OLFM3: variants seen among roughly 807,000 people sequenced by gnomAD.
OLFM3 encodes noelin-3.
In OLFM3, 20 loss-of-function variants were observed where a neutral mutation model predicts 48.6. The ratio of observed to expected loss-of-function variants is 0.41; its 90% confidence interval spans 0.29 to 0.60. The LOEUF is 0.60. Ranked by LOEUF, OLFM3 falls within the 20% of genes least tolerant of loss-of-function variation. The pLI, the probability that OLFM3 is intolerant of heterozygous loss-of-function variation, is 0.28. For synonymous variants in OLFM3, 222 were observed against 198.1 expected (o/e 1.12, Z -1.01); for missense variants, 437 against 544.3 (o/e 0.80, Z 1.96).
intron 1 of OLFM3, among the ~76,000 whole-genome samples, chr1:101,868,955 G>A (rs1656964489): frequency 6.6e-6 from 1 of 152,230 alleles, no homozygotes; most frequent in Admixed American, 6.5e-5. Context: ...TGAGGTTTGG[G>A]AACCCCTACC....
rs189473747 is a variant in OLFM3, at chr1:101,840,916, C to T, written c.70-3891G>A. On this transcript the variant is annotated intron_variant, in intron 1 of 5. Transcript: ENST00000370103. ...AATCACAGTGATTACTGATGCAGTTCTCTTTGAACCTTTCGTGTTAATTGG... is the reference window on the plus strand; with the variant it reads ...AATCACAGTGATTACTGATGCAGTTTTCTTTGAACCTTTCGTGTTAATTGG... 3.5e-3 allele frequency among the ~76,000 whole-genome samples: 534 copies of T among 152,304 alleles called. 4 individuals are homozygous for T. Among genetic ancestry groups the T allele is most frequent in the Admixed American group, 0.013 (204 of 15,300 alleles).
intron 4 of OLFM3, among the ~76,000 whole-genome samples, chr1:101,816,216 T>C (rs1259717960): frequency 6.6e-6 from 1 of 152,090 alleles, no homozygotes; most frequent in Non-Finnish European, 1.5e-5. Flanking sequence ...GAAAAGAACG[T>C]AACCAAAGTA....
intron 1 of OLFM3, among the ~76,000 whole-genome samples, chr1:101,857,427 AC>A (rs1321979100): frequency 6.6e-6 from 1 of 152,004 alleles, no homozygotes; most frequent in Non-Finnish European, 1.5e-5. Flanking sequence ...GTCATAATGT[AC>A]AGAGCTAAAA....
In OLFM3 at chr1:101,829,960, G is replaced by A. The variant is rs184268826; in HGVS notation, c.372+712C>T. ...CGCCATCCTCCTGCCTCAGCCTCCC[G>A]AGTAGCTGGGACTACAGGCGCCCAC... On this transcript the variant is annotated intron_variant, in intron 3 of 5. Transcript: ENST00000370103. Among the ~76,000 whole-genome samples the A allele has an allele frequency of 4.5e-4, 68 of 151,426 alleles. No homozygotes were observed. In the East Asian group the frequency reaches 0.011, roughly 25 times the overall value.
chr1:101,982,195 C>T (rs766563300), intron 1 of OLFM3, among the ~76,000 whole-genome samples: 2 of 151,996 alleles, frequency 1.3e-5, no homozygotes, highest in Non-Finnish European at 2.9e-5. Context: ...GCATGTGTGG[C>T]GATGGTGATG....
At chr1:101,812,151 C>T (rs1233749382) in intron 4 of OLFM3, among the ~76,000 whole-genome samples, 1 of 150,854 alleles carries the variant, frequency 6.6e-6, no homozygotes, top group Admixed American at 6.6e-5. Context: ...CACTTGGACA[C>T]AGGAAGGGGA....
At chr1:101,951,263 G>T (rs1282544998) in intron 1 of OLFM3, among the ~76,000 whole-genome samples, 1 of 152,198 alleles carries the variant, frequency 6.6e-6, no homozygotes, top group Non-Finnish European at 1.5e-5. Flanking sequence ...AATTGTGAAT[G>T]CTGTATGATA....
chr1:101,955,592 G>C (rs985474497), intron 1 of OLFM3, among the ~76,000 whole-genome samples: 1 of 151,818 alleles, frequency 6.6e-6, no homozygotes, highest in Non-Finnish European at 1.5e-5. Context: ...TCTCACTTCT[G>C]TCTATTTTTT....
intron 1 of OLFM3, among the ~76,000 whole-genome samples, chr1:101,953,179 T>C (rs889536354): frequency 6.6e-6 from 1 of 152,186 alleles, no homozygotes; most frequent in Non-Finnish European, 1.5e-5. Context: ...CACCTGATTC[T>C]CAACTTTTTA....
intron 1 of OLFM3, among the ~76,000 whole-genome samples, chr1:101,899,415 AG>A (rs1241954615): frequency 6.6e-6 from 1 of 152,188 alleles, no homozygotes; most frequent in Admixed American, 6.5e-5. Flanking sequence ...CTGTAGCAAA[AG>A]TGTCTTTGAA....
At chr1:101,863,231 C>A (rs182832774) in intron 1 of OLFM3, among the ~76,000 whole-genome samples, 12 of 152,316 alleles carry the variant, frequency 7.9e-5, no homozygotes, top group Admixed American at 5.2e-4. Context: ...GCCTTCCCCT[C>A]CCAAAGTGCT....
At chr1:101,920,020 C>T (rs1019843660) in intron 1 of OLFM3, among the ~76,000 whole-genome samples, 2 of 152,114 alleles carry the variant, frequency 1.3e-5, no homozygotes, top group African/African-American at 4.8e-5. Context: ...TATTTCATAA[C>T]CAACCTGTCA....
chr1:101,919,233 TA>T (rs1659018985), intron 1 of OLFM3, among the ~76,000 whole-genome samples: 1 of 152,166 alleles, frequency 6.6e-6, no homozygotes, highest in Non-Finnish European at 1.5e-5. Flanking sequence ...AAATACTTTA[TA>T]AAATCTTTTT....
At chr1:101,833,344 C>T (rs1395819002) in intron 2 of OLFM3, among the ~76,000 whole-genome samples, 3 of 152,164 alleles carry the variant, frequency 2.0e-5, no homozygotes, top group Non-Finnish European at 4.4e-5. Context: ...CAGGATTTGG[C>T]TTCAGGTGGT....
intron 1 of OLFM3, among the ~76,000 whole-genome samples, chr1:101,980,470 G>A (rs1262598519): frequency 6.6e-6 from 1 of 152,032 alleles, no homozygotes; most frequent in Non-Finnish European, 1.5e-5. Flanking sequence ...GAGATTTGAT[G>A]GTTTTATAAG....
At chr1:101,904,120 C>T (rs541107816) in intron 1 of OLFM3, among the ~76,000 whole-genome samples, 1 of 152,120 alleles carries the variant, frequency 6.6e-6, no homozygotes, top group African/African-American at 2.4e-5. Flanking sequence ...TTTGTTGACT[C>T]AGTCATCCTT....
At chr1:101,869,113 C>T (rs953571808) in intron 1 of OLFM3, among the ~76,000 whole-genome samples, 1 of 152,208 alleles carries the variant, frequency 6.6e-6, no homozygotes, top group African/African-American at 2.4e-5. Context: ...TGGAGCACTA[C>T]CTGTTGGACC....
At chr1:101,938,079 T>C (rs888753278) in intron 1 of OLFM3, among the ~76,000 whole-genome samples, 3 of 152,200 alleles carry the variant, frequency 2.0e-5, no homozygotes, top group African/African-American at 7.2e-5. Flanking sequence ...TATAGCAAAT[T>C]TAACGTAGAA....
chr1:101,918,305 A>T (rs1050749076), intron 1 of OLFM3, among the ~76,000 whole-genome samples: 11 of 152,198 alleles, frequency 7.2e-5, no homozygotes, highest in African/African-American at 2.7e-4. Flanking sequence ...AAATTTAGTG[A>T]CTAAAAAGAA....
Sources: gnomAD v4.1 joint callset for allele counts (sites outside exome capture counted in the v4.1 genomes callset) on GRCh38, gnomAD v4.1.1 for gene constraint, MANE v1.5 for transcripts, NCBI Gene and HGNC (gene_info 2026-07-23, HGNC 2026-07-21) for gene names.